RBBP6: variants seen among roughly 807,000 people sequenced by gnomAD.
RBBP6 encodes the protein E3 ubiquitin-protein ligase RBBP6.
In RBBP6, 25 loss-of-function variants were observed where a neutral mutation model predicts 167.7. That is an observed-to-expected ratio of 0.15 (90% CI 0.11 to 0.21). The LOEUF (loss-of-function observed/expected upper bound fraction) is 0.21. RBBP6 is among the 10% of genes least tolerant of loss of function. The pLI, the probability that RBBP6 is intolerant of heterozygous loss-of-function variation, is 1.00. For synonymous variants in RBBP6, 789 were observed against 735.8 expected (o/e 1.07, Z -1.17); for missense variants, 1,868 against 2,134.2 (o/e 0.88, Z 2.46).
In RBBP6 at chr16:24,569,412, C is replaced by A. The variant is rs771282999; in HGVS notation, c.2722C>A (p.His908Asn). Residue 908 changes from histidine (H) to asparagine (N), a missense_variant, in exon 17 of 18, where the codon CAC (histidine) becomes AAC (asparagine). By Grantham distance (68) the His-to-Asn change is moderately conservative. Around this residue, in one of 7 missense-constraint regions of RBBP6, gnomAD observed 673 missense variants for 691.5 expected, o/e 0.97. Transcript: ENST00000319715. ...YPEKLSARDG[H>N]NQKDNTKSKE... Reference sequence around the variant, plus strand: ...AGAAAAGCTTTCAGCAAGAGATGGTCACAATCAGAAGGATAATACAAAGTC... The same window carrying A: ...AGAAAAGCTTTCAGCAAGAGATGGTAACAATCAGAAGGATAATACAAAGTC... 4.6e-5 allele frequency: 74 copies of A among 1,613,776 alleles called. No homozygotes were observed. The Admixed American group carries it at 1.2e-3, about 26-fold the overall frequency.
Position 24,571,699 on chromosome 16 carries a change from C to G in RBBP6, c.4633C>G (p.His1545Asp). The G allele has an allele frequency of 6.2e-7, 1 of 1,614,050 alleles. No homozygotes were observed. ...CTCAAGAGACAGAAAACCTCATGAT[C>G]ACAAAGCCACTTATGATACTAAACG... ...SPSRDRKPHD[H>D]KATYDTKRPN... The change falls in exon 18 of 18, where the codon CAC becomes GAC. Residue 1545 changes from histidine to aspartate, a missense_variant. By Grantham distance (81) the His-to-Asp change is moderately conservative (BLOSUM62 -1). Transcript: ENST00000319715.
At chr16:24,549,190 G>GTAA in intron 3 of RBBP6, 7 of 1,424,390 alleles carry the variant, frequency 4.9e-6, no homozygotes, top group Non-Finnish European at 6.4e-6. Context: ...ATTTGTGCCC[G>GTAA]TAACACTGTT....
In RBBP6 at chr16:24,569,290, C is replaced by T; in HGVS notation, c.2600C>T (p.Pro867Leu). 1.9e-6 allele frequency: 3 copies of T among 1,611,768 alleles called. No homozygotes were observed. The highest frequency in any genetic ancestry group is 2.5e-6 in the Non-Finnish European group (3 of 1,179,466). ...AACTTTTCTCCAGAGAGATTTTTGC[C>T]ACTTAACATCAGGAATTCTCCCTTC... ...RENFSPERFL[P>L]LNIRNSPFTR... The change falls in exon 17 of 18, where the codon CCA (proline) becomes CTA (leucine). Residue 867 changes from proline (P) to leucine (L), a missense_variant. Physicochemically the swap from Pro to Leu is moderately conservative, Grantham distance 98. Coordinates refer to ENST00000319715, the MANE Select transcript of RBBP6 (RefSeq NM_006910.5).
chr16:24,548,548 A>G (rs1425615581), intron 2 of RBBP6, among the ~76,000 whole-genome samples: 1 of 152,158 alleles, frequency 6.6e-6, no homozygotes, highest in East Asian at 1.9e-4. Flanking sequence ...AATGTTAACA[A>G]CAGCAGTCTT....
rs997042985 is a variant in RBBP6, at chr16:24,540,551, C to T, written c.-76C>T. 2 of 1,418,568 alleles carry T rather than the reference C, an allele frequency of 1.4e-6. No individual in the cohort carries two copies. Among genetic ancestry groups the T allele is most frequent in the Admixed American group, 2.1e-5 (1 of 47,356 alleles). The allele number at this position is 1,418,568 out of a possible 1,614,324, so 87.9% of individuals were successfully genotyped here. ...GAGTGTTTTGTGTGTACATATTTTG[C>T]TCTTAAAGTTTATAAATATACGTAT... On this transcript the variant is annotated 5_prime_UTR_variant, in exon 1 of 18. Coordinates refer to ENST00000319715, the MANE Select transcript of RBBP6 (RefSeq NM_006910.5).
Position 24,540,312 on chromosome 16 carries a change from C to A in RBBP6, c.-315C>A. 3.9e-6 allele frequency: 1 copy of A among 258,156 alleles called. No individual in the cohort carries two copies. Among genetic ancestry groups the A allele is most frequent in the Non-Finnish European group, 7.6e-6 (1 of 132,126 alleles). 16.0% of individuals were successfully genotyped at this position (258,156 alleles called of 1,614,324 possible). A position where few individuals can be genotyped will look rare whatever the true frequency, so the allele number is the denominator to read the frequency against. ...GACTGCACCGCCAATCCCCCCGTCT[C>A]TGCCGGCCCCTTAGCATGAGCGAGG... On this transcript the variant is annotated 5_prime_UTR_variant, in exon 1 of 18. It adds an upstream start codon to the 5' untranslated region. Transcript: ENST00000319715.
At chr16:24,556,884 G>A (rs866249928) in intron 7 of RBBP6, among the ~76,000 whole-genome samples, 11 of 151,928 alleles carry the variant, frequency 7.2e-5, no homozygotes, top group African/African-American at 2.4e-4. Context: ...AAATACTGAA[G>A]TAGCTTGAAT....
chr16:24,572,134 A>C lies in RBBP6; in HGVS notation c.5068A>C (p.Asn1690His), dbSNP rs200743519. ...AAVVQVGISR[N>H]QSHSSPSVSP... ...AGTTGTCCAGGTGGGCATAAGCAGG[A>C]ATCAGAGCCACAGCAGCCCCAGCGT... Residue 1690 changes from asparagine (N) to histidine (H), a missense_variant, in exon 18 of 18, where the codon AAT becomes CAT. Physicochemically the swap from Asn to His is moderately conservative, Grantham distance 68. Transcript: ENST00000319715. The C allele has an allele frequency of 6.2e-7, 1 of 1,614,144 alleles. No homozygotes were observed. Among genetic ancestry groups the C allele is most frequent in the Admixed American group, 1.7e-5 (1 of 60,012 alleles).
intron 17 of RBBP6, 59 bp downstream of exon 17, chr16:24,570,558 T>G: frequency 7.1e-7 from 1 of 1,398,966 alleles, no homozygotes; most frequent in Non-Finnish European, 9.6e-7. Flanking sequence ...TTCTTCAGTT[T>G]TATCCATGCT....
intron 8 of RBBP6, 44 bp downstream of exon 8, chr16:24,559,721 T>C: frequency 6.9e-7 from 1 of 1,453,426 alleles, no homozygotes; most frequent in Non-Finnish European, 9.1e-7. Flanking sequence ...TTAGAATATT[T>C]GTATTTACTT....
chr16:24,549,037 GTA>G, intron 3 of RBBP6, 56 bp downstream of exon 3: 1 of 1,588,736 alleles, frequency 6.3e-7, no homozygotes, highest in Non-Finnish European at 8.6e-7. Context: ...CCTTTATAAT[GTA>G]GCAGTGAAGT....
rs146902924 is a variant in RBBP6, at chr16:24,550,706, A to G, written c.303+1725A>G. On this transcript the variant is annotated intron_variant, in intron 3 of 17. Coordinates refer to ENST00000319715, the MANE Select transcript of RBBP6 (RefSeq NM_006910.5). ...GTATTACATTTATAAGAAGCAGTTTATTTAAGCTTATTTAGGTTTCTCTTT... is the reference window on the plus strand; with the variant it reads ...GTATTACATTTATAAGAAGCAGTTTGTTTAAGCTTATTTAGGTTTCTCTTT... 1.3e-3 allele frequency among the ~76,000 whole-genome samples: 190 copies of G among 151,424 alleles called. 2 individuals carry two copies. The highest frequency in any genetic ancestry group is 4.1e-3 in the African/African-American group (171 of 41,388).
At chr16:24,561,495 G>T in intron 8 of RBBP6, 117 bp from the exon 9 acceptor site, 1 of 830,194 alleles carries the variant, frequency 1.2e-6, no homozygotes, top group South Asian at 1.7e-5. Flanking sequence ...TGATTAGCAC[G>T]ACATGCTTGG....
intron 7 of RBBP6, chr16:24,558,667 T>TG (rs1456639515): frequency 1.0e-5 from 2 of 200,172 alleles, no homozygotes; most frequent in Non-Finnish European, 1.8e-5. Context: ...ACAGAGAAGA[T>TG]GGGGGTGTAG....
chr16:24,570,878 C>T lies in RBBP6; in HGVS notation c.3812C>T (p.Thr1271Met), dbSNP rs1321534757. 2.7e-6 allele frequency: 4 copies of T among 1,467,116 alleles called. No homozygotes were observed. The highest frequency in any genetic ancestry group is 1.4e-5 in the African/African-American group (1 of 70,536). 90.9% of individuals were successfully genotyped at this position (1,467,116 alleles called of 1,614,324 possible). A position where few individuals can be genotyped will look rare whatever the true frequency, so the allele number is the denominator to read the frequency against. ...AAATATTTTGTTATTCTTTTTAGTA[C>T]GAGCTCAACTGGAGGCAGTCCTGTG... ...SSSTLVDYTSTSSTGGSPVRK... is the reference protein window; with the variant it reads ...SSSTLVDYTSMSSTGGSPVRK... The change falls in exon 18 of 18, where the codon ACG (threonine) becomes ATG (methionine). Residue 1271 changes from threonine to methionine, a missense_variant and splice_region_variant. Coordinates refer to ENST00000319715, the MANE Select transcript of RBBP6 (RefSeq NM_006910.5).
intron 14 of RBBP6, 108 bp from the exon 15 acceptor site, chr16:24,567,035 A>G: frequency 1.7e-6 from 2 of 1,190,320 alleles, no homozygotes; most frequent in South Asian, 1.6e-5. Flanking sequence ...AGTTGGTTCT[A>G]TTCCACTGTT....
intron 1 of RBBP6, among the ~76,000 whole-genome samples, chr16:24,541,775 T>C (rs2141451460): frequency 6.6e-6 from 1 of 152,352 alleles, no homozygotes; most frequent in South Asian, 2.1e-4. Context: ...AGTTCGGTGT[T>C]CTAAAAGTTA....
intron 1 of RBBP6, among the ~76,000 whole-genome samples, chr16:24,542,608 G>A (rs1220770978): frequency 4.6e-5 from 7 of 152,026 alleles, no homozygotes; most frequent in Non-Finnish European, 7.4e-5. Context: ...ACAGGCATGC[G>A]CCACTACACC....
rs1207094568 is a variant in RBBP6, at chr16:24,570,344, A to T, written c.3654A>T (p.Lys1218Asn). The T allele has an allele frequency of 1.9e-6, 3 of 1,612,312 alleles. No individual in the cohort carries two copies. The Admixed American group carries it at 5.0e-5, about 27-fold the overall frequency. The change falls in exon 17 of 18, where the codon AAA becomes AAT. Residue 1218 changes from lysine to asparagine, a missense_variant. Around this residue, in one of 7 missense-constraint regions of RBBP6, gnomAD observed 673 missense variants for 691.5 expected, o/e 0.97. Transcript: ENST00000319715. ...KIKLNRETGKKIGSTENISNT... is the reference protein window; with the variant it reads ...KIKLNRETGKNIGSTENISNT... The stretch of plus-strand genomic sequence containing the variant: ...AACTCAACAGAGAAACTGGGAAGAA[A>T]ATTGGAAGTACAGAAAATATATCAA...
Sources: allele counts gnomAD v4.1 joint callset (sites outside exome capture counted in the v4.1 genomes callset), GRCh38; gene constraint gnomAD v4.1.1; regional missense constraint gnomAD v4.1.1; transcripts MANE v1.5; gene names NCBI Gene and HGNC (gene_info 2026-07-23, HGNC 2026-07-21).